The following MKRN2 variants were observed in gnomAD, a reference collection of about 807,000 sequenced individuals.
The protein encoded by MKRN2 is E3 ubiquitin-protein ligase makorin-2.
In MKRN2, 32 loss-of-function variants were observed where a neutral mutation model predicts 45.4. That is an observed-to-expected ratio of 0.70 (90% CI 0.53 to 0.95). The LOEUF (loss-of-function observed/expected upper bound fraction) is 0.95. Among genes scored for constraint, MKRN2 ranks in the 40% least tolerant of loss-of-function variants. MKRN2 has a pLI of 0.00. For missense variants in MKRN2, 526 were observed against 536.7 expected (o/e 0.98, Z 0.20); for synonymous variants, 206 against 192.4 (o/e 1.07, Z -0.59).
chr3:12,576,269 T>C (rs1467875462), intron 5 of MKRN2, among the ~76,000 whole-genome samples: 3 of 151,670 alleles, frequency 2.0e-5, no homozygotes, highest in South Asian at 4.2e-4. Flanking sequence ...ATGTGCAGAA[T>C]GTGTAGCTTT....
intron 1 of MKRN2, among the ~76,000 whole-genome samples, chr3:12,558,642 C>T (rs1342463961): frequency 6.6e-6 from 1 of 152,184 alleles, no homozygotes; most frequent in Non-Finnish European, 1.5e-5. Context: ...TAAAATTTTA[C>T]ACCTTAGTAG....
intron 3 of MKRN2, among the ~76,000 whole-genome samples, chr3:12,570,839 C>T (rs890618799): frequency 1.4e-5 from 2 of 147,696 alleles, no homozygotes; most frequent in Non-Finnish European, 3.0e-5. Context: ...GCTGAGATCA[C>T]GCCACTGCAC....
Position 12,583,613 on chromosome 3 carries a change from T to TTAA in MKRN2, c.*1362_*1364dup, listed in dbSNP as rs1383692748. On this transcript the variant is annotated 3_prime_UTR_variant, in exon 8 of 8. Coordinates refer to ENST00000170447, the MANE Select transcript of MKRN2 (RefSeq NM_014160.5). Reference sequence around the variant, plus strand: ...TAACAGCCAGCCATTACACCTAAATTTAATTTATTTTATTAAAATAACATA... The same window carrying TTAA: ...TAACAGCCAGCCATTACACCTAAATTTAATAATTTATTTTATTAAAATAACATA... 2 of 231,480 alleles carry TTAA rather than the reference T, an allele frequency of 8.6e-6. No homozygotes were observed. Among genetic ancestry groups the TTAA allele is most frequent in the African/African-American group, 4.4e-5 (2 of 45,240 alleles). The allele number at this position is 231,480 out of a possible 1,614,324, so 14.3% of individuals were successfully genotyped here. A position where few individuals can be genotyped will look rare whatever the true frequency, so the allele number is the denominator to read the frequency against.
intron 6 of MKRN2, 73 bp from the exon 7 acceptor site, chr3:12,581,735 G>A: frequency 1.3e-6 from 2 of 1,540,144 alleles, no homozygotes; most frequent in Middle Eastern, 1.7e-4. Flanking sequence ...GGTAAGGATG[G>A]AGGCAGGCAG....
intron 5 of MKRN2, among the ~76,000 whole-genome samples, chr3:12,575,555 C>T (rs2058128716): frequency 6.6e-6 from 1 of 152,170 alleles, no homozygotes; most frequent in Admixed American, 6.5e-5. Context: ...CTGTTCAGAA[C>T]TCCACATCTG....
intron 1 of MKRN2, among the ~76,000 whole-genome samples, chr3:12,563,576 G>A (rs1209409223): frequency 3.6e-5 from 5 of 140,710 alleles, no homozygotes; most frequent in African/African-American, 2.7e-5. Context: ...TGCAGCCTCC[G>A]CCTCCTGAGT....
rs915746904 is a variant in MKRN2, at chr3:12,564,353, C to A, written c.27-4522C>A. ...TACTGTTTTTCTATAGAAGCTGCACCATTAGCTGTTTTATAATCTACTCTT... is the reference window on the plus strand; with the variant it reads ...TACTGTTTTTCTATAGAAGCTGCACAATTAGCTGTTTTATAATCTACTCTT... On this transcript the variant is annotated intron_variant, in intron 1 of 7. Coordinates refer to ENST00000170447, the MANE Select transcript of MKRN2 (RefSeq NM_014160.5). 2.6e-5 allele frequency among the ~76,000 whole-genome samples: 4 copies of A among 152,128 alleles called. No homozygotes were observed. In the East Asian group the frequency reaches 5.8e-4, roughly 22 times the overall value.
chr3:12,562,118 C>G (rs961597871), intron 1 of MKRN2, among the ~76,000 whole-genome samples: 2 of 152,124 alleles, frequency 1.3e-5, no homozygotes, highest in African/African-American at 4.8e-5. Context: ...AATGAAAATG[C>G]AGCAACATGT....
intron 4 of MKRN2, among the ~76,000 whole-genome samples, chr3:12,574,398 G>A (rs2058118285): frequency 6.6e-6 from 1 of 152,246 alleles, no homozygotes; most frequent in South Asian, 2.1e-4. Context: ...CTCATGGTAA[G>A]GACGAGTCAG....
chr3:12,570,475 G>A (rs756182879), intron 3 of MKRN2, among the ~76,000 whole-genome samples: 3 of 152,146 alleles, frequency 2.0e-5, no homozygotes, highest in Non-Finnish European at 4.4e-5. Context: ...TGAGCTCCAA[G>A]ACTGGCCTGG....
In MKRN2 at chr3:12,570,090, T is replaced by G. The variant is rs201887789; in HGVS notation, c.175T>G (p.Ser59Ala). ...TRCRYDHTRP[S>A]AAAGGAVGTM... is the part of the protein sequence containing the mutation. Reference sequence around the variant, plus strand: ...GTTTAGATATGACCACACGAGGCCCTCTGCTGCAGCTGGAGGTGCTGTGGG... The same window carrying G: ...GTTTAGATATGACCACACGAGGCCCGCTGCTGCAGCTGGAGGTGCTGTGGG... Residue 59 changes from serine (S) to alanine (A), a missense_variant, in exon 3 of 8, where the codon TCT becomes GCT. Coordinates refer to ENST00000170447, the MANE Select transcript of MKRN2 (RefSeq NM_014160.5). 7.4e-6 allele frequency: 12 copies of G among 1,612,430 alleles called. No homozygotes were observed. The South Asian group carries it at 1.3e-4, about 18-fold the overall frequency.
chr3:12,566,108 C>T (rs1253744590), intron 1 of MKRN2, among the ~76,000 whole-genome samples: 1 of 152,158 alleles, frequency 6.6e-6, no homozygotes, highest in African/African-American at 2.4e-5. Context: ...CACACCTTGG[C>T]CTCCTGAAGT....
At chr3:12,565,201 C>G (rs1392903681) in intron 1 of MKRN2, among the ~76,000 whole-genome samples, 2 of 152,208 alleles carry the variant, frequency 1.3e-5, no homozygotes, top group Admixed American at 1.3e-4. Flanking sequence ...AACTGTCAAA[C>G]TGTCTTCCAA....
At chr3:12,565,244 A>G (rs1287404436) in intron 1 of MKRN2, among the ~76,000 whole-genome samples, 1 of 152,196 alleles carries the variant, frequency 6.6e-6, no homozygotes, top group Non-Finnish European at 1.5e-5. Flanking sequence ...GGCACTTATA[A>G]AGACAGTAGG....
rs1237909490 is a variant in MKRN2, at chr3:12,583,620, ATTT to A, written c.*1369_*1371del. 2.2e-5 allele frequency: 5 copies of A among 232,168 alleles called. No individual in the cohort carries two copies. Among genetic ancestry groups the A allele is most frequent in the African/African-American group, 1.1e-4 (5 of 45,406 alleles). 14.4% of individuals were successfully genotyped at this position (232,168 alleles called of 1,614,324 possible). The stretch of plus-strand genomic sequence containing the variant: ...CAGCCATTACACCTAAATTTAATTT[ATTT>A]TATTAAAATAACATAATTGAGGGAC... On this transcript the variant is annotated 3_prime_UTR_variant, in exon 8 of 8. Transcript: ENST00000170447.
intron 5 of MKRN2, 34 bp downstream of exon 5, chr3:12,575,040 T>TA: frequency 1.3e-6 from 2 of 1,578,042 alleles, no homozygotes; most frequent in Non-Finnish European, 1.7e-6. Flanking sequence ...CTGTGGGAGC[T>TA]AGGAGAATGT....
At chr3:12,576,884 A>T in intron 6 of MKRN2, 143 bp downstream of exon 6, 2 of 374,708 alleles carry the variant, frequency 5.3e-6, no homozygotes, top group East Asian at 1.1e-4. Flanking sequence ...GGGCTCTGGG[A>T]TGCAGCAATG....
chr3:12,572,331 C>G lies in MKRN2; in HGVS notation c.600C>G (p.Val200=). Residue 200 remains valine (V), a synonymous_variant, in exon 4 of 8, where the codon GTC becomes GTG. Coordinates refer to ENST00000170447, the MANE Select transcript of MKRN2 (RefSeq NM_014160.5). Reference sequence around the variant, plus strand: ...TGTGTGAAATCTGTAGGCTGCAAGTCTTGCACCCATTCGACCCAGAGCAGA... The same window carrying G: ...TGTGTGAAATCTGTAGGCTGCAAGTGTTGCACCCATTCGACCCAGAGCAGA... The part of the protein sequence containing the change: ...GEVCEICRLQ[V]LHPFDPEQRK... 6.2e-7 allele frequency: 1 copy of G among 1,603,914 alleles called. No individual in the cohort carries two copies.
chr3:12,562,694 ACCT>A, intron 1 of MKRN2, among the ~76,000 whole-genome samples: 1 of 151,920 alleles, frequency 6.6e-6, no homozygotes, highest in East Asian at 1.9e-4. Context: ...CCTGAGCTCC[ACCT>A]CCTGTCAGAT....
Sources: gnomAD v4.1 joint callset for allele counts (sites outside exome capture counted in the v4.1 genomes callset) on GRCh38, gnomAD v4.1.1 for gene constraint, MANE v1.5 for transcripts, NCBI Gene and HGNC (gene_info 2026-07-23, HGNC 2026-07-21) for gene names.